Variants in ANKRD28 observed in about 807,000 individuals in gnomAD.
ANKRD28 encodes the protein ankyrin repeat domain 28, also known as serine/threonine-protein phosphatase 6 regulatory ankyrin repeat subunit A.
In ANKRD28, 44 loss-of-function variants were observed where a neutral mutation model predicts 126.5. The ratio of observed to expected loss-of-function variants is 0.35; its 90% CI spans 0.27 to 0.45. The LOEUF (loss-of-function observed/expected upper bound fraction) is 0.45, where lower values mean the gene tolerates loss of function less well. Among genes scored for constraint, ANKRD28 ranks in the 20% least tolerant of loss-of-function variants. The pLI, the probability that ANKRD28 is intolerant of heterozygous loss-of-function variation, is 1.00. For missense variants in ANKRD28, 1,110 were observed against 1,316.6 expected (o/e 0.84, Z 2.43); for synonymous variants, 442 against 468.5 (o/e 0.94, Z 0.73).
intron 1 of ANKRD28, among the ~76,000 whole-genome samples, chr3:15,804,249 C>T (rs1008364499): frequency 2.1e-5 from 3 of 145,002 alleles, no homozygotes; most frequent in Admixed American, 1.4e-4. Flanking sequence ...ACAGTATATA[C>T]TGAAGGCCGA....
chr3:15,743,580 A>ACACACACACACG (rs1434803129), intron 4 of ANKRD28, among the ~76,000 whole-genome samples: 117 of 150,568 alleles, frequency 7.8e-4, no homozygotes, highest in African/African-American at 2.8e-3. Flanking sequence ...ACACACACAC[A>ACACACACACACG]CACACACACA....
At chr3:15,835,888 C>T (rs754490580) in intron 1 of ANKRD28, among the ~76,000 whole-genome samples, 7 of 152,120 alleles carry the variant, frequency 4.6e-5, no homozygotes, top group Non-Finnish European at 8.8e-5. Context: ...AAATAAAGAG[C>T]ACTGGTAATG....
In ANKRD28 at chr3:15,812,024, G is replaced by A. The variant is rs1422787384; in HGVS notation, c.28-16718C>T. On this transcript the variant is annotated intron_variant, in intron 1 of 27. Transcript: ENST00000399451. This position sits in a 1 kb window ranked among gnomAD's most constrained non-coding sequence, Gnocchi z 4.1. ...AAAAATTAGCCAGGCGTGGTGGTAC[G>A]CACCTGTAGTCCCAGCTACTCAGGA... Among the ~76,000 whole-genome samples, 7 of 151,918 alleles carry A rather than the reference G, an allele frequency of 4.6e-5. No homozygotes were observed. Among genetic ancestry groups the A allele is most frequent in the Middle Eastern group, 3.4e-3 (1 of 294 alleles).
At chr3:15,754,527 A>G (rs543244991) in intron 3 of ANKRD28, among the ~76,000 whole-genome samples, 5 of 152,380 alleles carry the variant, frequency 3.3e-5, no homozygotes, top group East Asian at 3.9e-4. Context: ...TAAGATCTAC[A>G]GTAAGAACAA....
At chr3:15,719,218 A>G (rs1001155456) in intron 8 of ANKRD28, among the ~76,000 whole-genome samples, 2 of 152,198 alleles carry the variant, frequency 1.3e-5, no homozygotes, top group African/African-American at 4.8e-5. Context: ...CTAATTACAG[A>G]TGGATTTGTT....
At chr3:15,778,320 G>A (rs2059390351) in intron 2 of ANKRD28, among the ~76,000 whole-genome samples, 2 of 152,160 alleles carry the variant, frequency 1.3e-5, no homozygotes, top group Non-Finnish European at 1.5e-5. Context: ...AGTTTTAAGG[G>A]CAGTAATTCA....
chr3:15,841,438 T>C (rs1332184681), intron 1 of ANKRD28, among the ~76,000 whole-genome samples: 2 of 151,596 alleles, frequency 1.3e-5, no homozygotes, highest in Admixed American at 6.6e-5. Flanking sequence ...TATTTTCACA[T>C]CAAGTTAAAA....
rs535049657 is a variant in ANKRD28 at position 15,728,207 on chromosome 3, AAAG to A, written c.641-3686_641-3684del. 3.4e-4 allele frequency among the ~76,000 whole-genome samples: 52 copies of A among 152,346 alleles called. 1 individual carries two copies. The South Asian group carries it at 0.011, about 32-fold the overall frequency. ...ATTAAGAACACTGAAAATTAATAAA[AAAG>A]AAAAAACAAAGACATGTATATTGTT... is the stretch of plus-strand genomic sequence containing the variant. On this transcript the variant is annotated intron_variant, in intron 6 of 27. Transcript: ENST00000683139.
upstream of ANKRD28, chr3:15,798,023 A>T (rs751707867): frequency 8.1e-6 from 8 of 985,418 alleles, no homozygotes; most frequent in Non-Finnish European, 9.6e-6. Flanking sequence ...GGAGAAAAAA[A>T]TAGTGCATTT....
intron 1 of ANKRD28, among the ~76,000 whole-genome samples, chr3:15,805,996 T>C (rs1258996118): frequency 2.0e-5 from 3 of 152,134 alleles, no homozygotes; most frequent in Non-Finnish European, 4.4e-5. Context: ...TTCTGAACCA[T>C]ATTGGAGACA....
At position 15,697,311 on chromosome 3, in the gene ANKRD28, T is replaced by C. The variant is rs548726944; in HGVS notation, c.1548-1066A>G. 12 of 152,992 alleles carry C rather than the reference T, an allele frequency of 7.8e-5. No individual in the cohort carries two copies. The South Asian group carries it at 1.6e-3, about 21-fold the overall frequency. 9.5% of individuals were successfully genotyped at this position (152,992 alleles called of 1,614,324 possible). On this transcript the variant is annotated intron_variant, in intron 14 of 27. Coordinates refer to ENST00000683139, the MANE Select transcript of ANKRD28 (RefSeq NM_001349278.2). Reference sequence around the variant, plus strand: ...AAGTTCCCAAATTGTACCCAATATGTAGTCTTTTATCCATCATATTTTACT... The same window carrying C: ...AAGTTCCCAAATTGTACCCAATATGCAGTCTTTTATCCATCATATTTTACT...
chr3:15,858,886 A>G (rs2061832959), intron 1 of ANKRD28, among the ~76,000 whole-genome samples: 1 of 152,252 alleles, frequency 6.6e-6, no homozygotes. Context: ...AAAGAAAACA[A>G]GTCTGGAAAC....
chr3:15,686,003 C>A lies in ANKRD28; in HGVS notation c.2168G>T (p.Gly723Val). ...AGGAAAGAGCATATTTCTGCTTACC[C>A]CTCTATGCAACGCTGTCCTTCCCCA... ...DKWGRTALHR[G>V]AVTGHEECVD... Residue 723 changes from glycine to valine, a missense_variant and splice_region_variant, in exon 20 of 28, where the codon GGG becomes GTG. Transcript: ENST00000683139. 6.2e-7 allele frequency: 1 copy of A among 1,612,072 alleles called. No individual in the cohort carries two copies. The highest frequency in any genetic ancestry group is 8.5e-7 in the Non-Finnish European group (1 of 1,178,850).
chr3:15,842,054 TTA>T (rs1344955513), intron 1 of ANKRD28, among the ~76,000 whole-genome samples: 7 of 147,824 alleles, frequency 4.7e-5, no homozygotes, highest in Admixed American at 2.0e-4. Context: ...ATAACATAAT[TTA>T]TATATAATTT....
upstream of ANKRD28, among the ~76,000 whole-genome samples, chr3:15,802,408 G>C (rs533667717): frequency 6.6e-6 from 1 of 152,256 alleles, no homozygotes; most frequent in Admixed American, 6.5e-5. Flanking sequence ...GTCCTGCCTT[G>C]TTTAAGAAAC....
chr3:15,694,489 T>C (rs1464208634), intron 17 of ANKRD28, among the ~76,000 whole-genome samples: 1 of 151,012 alleles, frequency 6.6e-6, no homozygotes, highest in Admixed American at 6.6e-5. Flanking sequence ...CAGAAGGCCC[T>C]GGGGGAAGCC....
intron 7 of ANKRD28, among the ~76,000 whole-genome samples, chr3:15,722,562 G>C (rs2073842246): frequency 6.6e-6 from 1 of 152,164 alleles, no homozygotes; most frequent in Non-Finnish European, 1.5e-5. Flanking sequence ...TATCAAACCT[G>C]AAAGTGGTTT....
At chr3:15,780,487 A>G (rs2059492156) in intron 2 of ANKRD28, among the ~76,000 whole-genome samples, 3 of 152,174 alleles carry the variant, frequency 2.0e-5, no homozygotes, top group African/African-American at 7.2e-5. Flanking sequence ...TAAAATGTCC[A>G]TATTATCCAA....
chr3:15,822,316 T>G (rs2060960690), intron 1 of ANKRD28, among the ~76,000 whole-genome samples: 1 of 152,080 alleles, frequency 6.6e-6, no homozygotes, highest in Admixed American at 6.6e-5. Flanking sequence ...TGGGGGGAGA[T>G]CGAGGCATTT....
Sources: allele counts gnomAD v4.1 joint callset (sites outside exome capture counted in the v4.1 genomes callset), GRCh38; gene constraint gnomAD v4.1.1; non-coding constraint Gnocchi (gnomAD v3.1); transcripts MANE v1.5; gene names NCBI Gene and HGNC (gene_info 2026-07-23, HGNC 2026-07-21).